TMEM132B: variants seen among roughly 807,000 people sequenced by gnomAD.
The protein encoded by TMEM132B is transmembrane protein 132B.
In TMEM132B, 18 loss-of-function variants were observed where a neutral mutation model predicts 90.8. The observed-to-expected ratio is 0.20, with a 90% CI of 0.14 to 0.29. TMEM132B has a LOEUF of 0.29. Among genes scored for constraint, TMEM132B ranks in the 10% least tolerant of loss-of-function variants. The pLI, the probability that TMEM132B is intolerant of heterozygous loss-of-function variation, is 1.00. For missense variants in TMEM132B, 1,096 were observed against 1,326.8 expected (o/e 0.83, Z 2.70); for synonymous variants, 504 against 523.3 (o/e 0.96, Z 0.50).
At chr12:125,206,924 T>A (rs1168648947) in intron 1 of TMEM132B, among the ~76,000 whole-genome samples, 3 of 152,204 alleles carry the variant, frequency 2.0e-5, no homozygotes, top group African/African-American at 7.2e-5. Context: ...ATTGGCTCGT[T>A]CCTCCCATGC....
At chr12:125,529,112 C>T (rs1157689688) in intron 4 of TMEM132B, among the ~76,000 whole-genome samples, 1 of 151,690 alleles carries the variant, frequency 6.6e-6, no homozygotes, top group Non-Finnish European at 1.5e-5. Context: ...TGAGATAAAG[C>T]CTCACTCTGT....
At chr12:125,291,428 G>T (rs1027333921) in intron 1 of TMEM132B, among the ~76,000 whole-genome samples, 22 of 152,238 alleles carry the variant, frequency 1.4e-4, no homozygotes, top group African/African-American at 5.3e-4. Flanking sequence ...GCCAGAGACT[G>T]AGAAGTTAGA....
chr12:125,373,588 C>T (rs992812280), intron 2 of TMEM132B, among the ~76,000 whole-genome samples: 9 of 152,026 alleles, frequency 5.9e-5, no homozygotes, highest in African/African-American at 1.4e-4. Flanking sequence ...TACGGTACTT[C>T]GTATGGCAGC....
intron 1 of TMEM132B, among the ~76,000 whole-genome samples, chr12:125,263,660 G>A (rs1322800426): frequency 6.6e-6 from 1 of 152,174 alleles, no homozygotes; most frequent in Non-Finnish European, 1.5e-5. Context: ...AATTTTTTTT[G>A]AGGTTGGTGT....
intron 1 of TMEM132B, among the ~76,000 whole-genome samples, chr12:125,343,177 T>C (rs938126250): frequency 6.6e-6 from 1 of 152,168 alleles, no homozygotes; most frequent in East Asian, 1.9e-4. Context: ...TTGCATAGGA[T>C]CTTCCTCCTG....
intron 3 of TMEM132B, among the ~76,000 whole-genome samples, chr12:125,504,829 C>T: frequency 6.6e-6 from 1 of 151,864 alleles, no homozygotes; most frequent in East Asian, 1.9e-4. Flanking sequence ...GTCTTACCGG[C>T]TTGAAGAACC....
intron 2 of TMEM132B, among the ~76,000 whole-genome samples, chr12:125,369,644 G>T (rs1394576728): frequency 6.6e-6 from 1 of 152,204 alleles, no homozygotes; most frequent in Non-Finnish European, 1.5e-5. Context: ...CAGTGGAAGA[G>T]ACTGAAAACC....
intron 5 of TMEM132B, among the ~76,000 whole-genome samples, chr12:125,627,708 A>G (rs1247174860): frequency 6.6e-6 from 1 of 152,034 alleles, no homozygotes. Context: ...GTACAATTAA[A>G]TTATTATTGA....
At chr12:125,617,198 G>A (rs974790883) in intron 5 of TMEM132B, among the ~76,000 whole-genome samples, 2 of 152,018 alleles carry the variant, frequency 1.3e-5, no homozygotes, top group South Asian at 2.1e-4. Context: ...TTATTTGTTC[G>A]TTTAGCAACC....
At position 125,209,988 on chromosome 12, in the gene TMEM132B, G is replaced by T. The variant is rs1205399221; in HGVS notation, c.67+23122G>T. Among the ~76,000 whole-genome samples the T allele has an allele frequency of 6.6e-6, 1 of 152,158 alleles. No homozygotes were observed. Among genetic ancestry groups the T allele is most frequent in the Non-Finnish European group, 1.5e-5 (1 of 68,028 alleles). On this transcript the variant is annotated intron_variant, in intron 1 of 8. Coordinates refer to ENST00000682704, the MANE Select transcript of TMEM132B (RefSeq NM_001366854.1). This position sits in a 1 kb window ranked among gnomAD's most constrained non-coding sequence, Gnocchi z 4.4. The stretch of plus-strand genomic sequence containing the variant: ...GTATTAATGCAATGGAGTCTCCTCT[G>T]TGTCAGGCAGCATCCAGACTCTGGG...
At chr12:125,421,313 G>A (rs145019875) in intron 3 of TMEM132B, among the ~76,000 whole-genome samples, 7 of 152,320 alleles carry the variant, frequency 4.6e-5, no homozygotes, top group African/African-American at 1.7e-4. Context: ...AAAGGAAAGA[G>A]GTCTAATTGA....
At chr12:125,621,765 A>G (rs966492507) in intron 5 of TMEM132B, among the ~76,000 whole-genome samples, 2 of 152,202 alleles carry the variant, frequency 1.3e-5, no homozygotes, top group African/African-American at 2.4e-5. Flanking sequence ...AATGGAGAGC[A>G]TGATGTTAAT....
intron 4 of TMEM132B, among the ~76,000 whole-genome samples, chr12:125,532,192 C>T (rs1019184935): frequency 3.9e-5 from 6 of 151,964 alleles, no homozygotes; most frequent in African/African-American, 9.7e-5. Context: ...TTTCTGAAGG[C>T]GAAAGGGAAA....
At chr12:125,626,160 T>C (rs554000796) in intron 5 of TMEM132B, among the ~76,000 whole-genome samples, 3 of 152,306 alleles carry the variant, frequency 2.0e-5, no homozygotes, top group African/African-American at 7.2e-5. Context: ...TAAGTGTAGA[T>C]CTAGATTTCC....
intron 3 of TMEM132B, among the ~76,000 whole-genome samples, chr12:125,506,594 T>C (rs1167999115): frequency 6.6e-6 from 1 of 152,230 alleles, no homozygotes. Context: ...AACTTATGGC[T>C]CTTTCCATGC....
chr12:125,500,639 G>T (rs1484571807), intron 3 of TMEM132B, among the ~76,000 whole-genome samples: 1 of 152,160 alleles, frequency 6.6e-6, no homozygotes, highest in Admixed American at 6.5e-5. Context: ...AAATGGAAGG[G>T]GAAGAATTTT....
intron 4 of TMEM132B, 131 bp downstream of exon 4, chr12:125,519,756 T>G: frequency 1.1e-6 from 1 of 897,522 alleles, no homozygotes; most frequent in Non-Finnish European, 1.7e-6. Context: ...TAAATTGCAT[T>G]TGATCTACCT....
In TMEM132B at chr12:125,205,862, C is replaced by T. The variant is rs191645993; in HGVS notation, c.67+18996C>T. Among the ~76,000 whole-genome samples the T allele has an allele frequency of 2.5e-3, 384 of 152,364 alleles. 9 individuals carry two copies. The highest frequency in any genetic ancestry group is 0.023 in the Admixed American group (345 of 15,304). ...TGGCTCCACCCTTTGATCAGAGGAACGTCAAAGGATTTGTAGACACGCTTT... is the reference window on the plus strand; with the variant it reads ...TGGCTCCACCCTTTGATCAGAGGAATGTCAAAGGATTTGTAGACACGCTTT... On this transcript the variant is annotated intron_variant, in intron 1 of 8. Transcript: ENST00000682704.
At chr12:125,192,137 T>TTCGTTAGATTTTA (rs1440681603) in intron 1 of TMEM132B, among the ~76,000 whole-genome samples, 1 of 152,186 alleles carries the variant, frequency 6.6e-6, no homozygotes, top group Non-Finnish European at 1.5e-5. Flanking sequence ...TTCTTAGCCC[T>TTCGTTAGATTTTA]TCGTTAGATT....
Sources: allele counts gnomAD v4.1 joint callset (sites outside exome capture counted in the v4.1 genomes callset), GRCh38; gene constraint gnomAD v4.1.1; non-coding constraint Gnocchi (gnomAD v3.1); transcripts MANE v1.5; gene names NCBI Gene and HGNC (gene_info 2026-07-23, HGNC 2026-07-21).